The following FARP2 variants were observed in gnomAD, a reference collection of about 807,000 sequenced individuals.
The protein encoded by FARP2 is FERM, ARHGEF and pleckstrin domain-containing protein 2.
Under a neutral mutation model 130.5 loss-of-function variants are expected in FARP2, and 111 were observed. The ratio of observed to expected loss-of-function variants is 0.85; its 90% CI spans 0.73 to 1.00. The LOEUF (loss-of-function observed/expected upper bound fraction) is 1.00. Ranked by LOEUF, FARP2 falls within the 50% of genes least tolerant of loss-of-function variation. FARP2 has a pLI of 0.00. For missense variants in FARP2, 1,385 were observed against 1,346.3 expected, an observed-to-expected ratio of 1.03 and a Z score of -0.45; for synonymous variants, 504 against 516.9, an observed-to-expected ratio of 0.98 and a Z score of 0.34.
chr2:241,491,210 C>G, intron 23 of FARP2, 31 bp downstream of exon 23: 2 of 1,486,082 alleles, frequency 1.3e-6, no homozygotes, highest in Non-Finnish European at 1.9e-6. Flanking sequence ...CCCAGGAGAC[C>G]TCCACTACAC....
At chr2:241,453,436 C>A (rs1303105800) in intron 13 of FARP2, among the ~76,000 whole-genome samples, 1 of 151,820 alleles carries the variant, frequency 6.6e-6, no homozygotes, top group Non-Finnish European at 1.5e-5. Flanking sequence ...TCCTGGCTAA[C>A]ATGGTGAAAC....
intron 5 of FARP2, among the ~76,000 whole-genome samples, 170 bp downstream of exon 5, chr2:241,407,785 A>G (rs1318056199): frequency 6.6e-6 from 1 of 152,232 alleles, no homozygotes; most frequent in African/African-American, 2.4e-5. Context: ...CCCTTGCACA[A>G]ACACATGTGA....
At chr2:241,412,644 T>C (rs2062550491) in intron 6 of FARP2, among the ~76,000 whole-genome samples, 1 of 152,134 alleles carries the variant, frequency 6.6e-6, no homozygotes, top group African/African-American at 2.4e-5. Flanking sequence ...AGGAAAAAAA[T>C]CATTTAAAAT....
chr2:241,413,241 G>T, intron 6 of FARP2, 66 bp from the exon 7 acceptor site: 1 of 934,364 alleles, frequency 1.1e-6, no homozygotes, highest in Non-Finnish European at 1.7e-6. Flanking sequence ...TTTAATGTAT[G>T]CAATGACACA....
At chr2:241,366,140 C>CGTATATATATATATAG (rs1559702356) in intron 1 of FARP2, among the ~76,000 whole-genome samples, 1 of 17,996 alleles carries the variant, frequency 5.6e-5, no homozygotes, top group Non-Finnish European at 1.2e-4. Context: ...TATATATATA[C>CGTATATATATATATAG]ACACACACAT....
rs183350909 is a variant in FARP2 at position 241,368,889 on chromosome 2, A to C, written c.-24-4195A>C. Among the ~76,000 whole-genome samples, 797 of 152,248 alleles carry C rather than the reference A, an allele frequency of 5.2e-3. 4 individuals carry two copies. The highest frequency in any genetic ancestry group is 0.014 in the Middle Eastern group (4 of 294). On this transcript the variant is annotated intron_variant, in intron 1 of 26. Coordinates refer to ENST00000264042, the MANE Select transcript of FARP2 (RefSeq NM_014808.4). Reference sequence around the variant, plus strand: ...AATATAAGTCTTAGTCTTAATCTTAAAGCTGAGTAATTATTAAACGGATAG... The same window carrying C: ...AATATAAGTCTTAGTCTTAATCTTACAGCTGAGTAATTATTAAACGGATAG...
intron 1 of FARP2, among the ~76,000 whole-genome samples, chr2:241,372,104 A>G (rs1001070608): frequency 2.6e-5 from 4 of 152,064 alleles, no homozygotes; most frequent in Non-Finnish European, 4.4e-5. Context: ...GCACTGTTAG[A>G]CTTAACAGCT....
Position 241,475,971 on chromosome 2 carries a change from T to A in FARP2, c.2246T>A (p.Leu749His), listed in dbSNP as rs1324821836. 6.2e-7 allele frequency: 1 copy of A among 1,613,248 alleles called. No individual in the cohort carries two copies. Among genetic ancestry groups the A allele is most frequent in the Non-Finnish European group, 8.5e-7 (1 of 1,179,680 alleles). ...CGGGACCTGGTGGGCATAGAGAACC[T>A]CATTGCTCCTGGCAGGGTGAGTGAC... Reference protein sequence around the residue: ...LQRDLVGIENLIAPGREFIRE... With the variant: ...LQRDLVGIENHIAPGREFIRE... Residue 749 changes from leucine (L) to histidine (H), a missense_variant, in exon 19 of 27, where the codon CTC (leucine) becomes CAC (histidine). Leu to His is a moderately conservative substitution (Grantham distance 99). Coordinates refer to ENST00000264042, the MANE Select transcript of FARP2 (RefSeq NM_014808.4). The surrounding 1 kb of genome is among the most constrained non-coding windows in gnomAD (Gnocchi z 4.4).
chr2:241,439,169 C>G (rs543349813), intron 12 of FARP2, among the ~76,000 whole-genome samples: 18 of 152,046 alleles, frequency 1.2e-4, no homozygotes, highest in African/African-American at 3.6e-4. Flanking sequence ...GTGCATGCCA[C>G]CGCACCCAGC....
At chr2:241,431,612 C>A in intron 8 of FARP2, 67 bp from the exon 9 acceptor site, 1 of 786,710 alleles carries the variant, frequency 1.3e-6, no homozygotes, top group South Asian at 1.5e-5. Context: ...TTTAAGCATT[C>A]CCTATTTCAT....
intron 18 of FARP2, chr2:241,471,194 A>G (rs1187118830): frequency 1.4e-5 from 2 of 143,940 alleles, no homozygotes; most frequent in Admixed American, 6.9e-5. Context: ...TTCTGAGGGG[A>G]CCCTGTTATA....
At chr2:241,483,353 G>C in intron 19 of FARP2, 112 bp from the exon 20 acceptor site, 1 of 864,966 alleles carries the variant, frequency 1.2e-6, no homozygotes, top group South Asian at 1.4e-5. Context: ...CTCATTGGGA[G>C]GAGCCAGAGG....
chr2:241,441,273 C>G, intron 12 of FARP2, 31 bp from the exon 13 acceptor site: 3 of 1,537,516 alleles, frequency 2.0e-6, no homozygotes, highest in Non-Finnish European at 2.6e-6. Flanking sequence ...ATTTTATATC[C>G]TTTTTTTCTT....
At chr2:241,440,336 G>A (rs17386695) in intron 12 of FARP2, among the ~76,000 whole-genome samples, 16,847 of 152,262 alleles carry the variant, frequency 0.11, 1,188 homozygotes, top group Non-Finnish European at 0.15. Context: ...GATAGCGCGC[G>A]AGGAGTGACG....
chr2:241,463,279 G>A (rs2064074242), intron 15 of FARP2, 56 bp from the exon 16 acceptor site: 10 of 1,586,560 alleles, frequency 6.3e-6, no homozygotes, highest in South Asian at 3.5e-5. Context: ...CAGGGGCACA[G>A]TTTCTCAGTC....
chr2:241,386,904 T>A (rs1211970625), intron 2 of FARP2: 1 of 152,284 alleles, frequency 6.6e-6, no homozygotes, highest in African/African-American at 2.4e-5. Flanking sequence ...ATTGTCTCAC[T>A]TGTACCTTTT....
Position 241,456,756 on chromosome 2 carries a change from C to T in FARP2, c.1421C>T (p.Thr474Met), listed in dbSNP as rs373412999. 293 of 1,614,074 alleles carry T rather than the reference C, an allele frequency of 1.8e-4. 3 individuals carry two copies. The South Asian group carries it at 2.6e-3, about 14-fold the overall frequency. The change falls in exon 14 of 27, where the codon ACG becomes ATG. Residue 474 changes from threonine (T) to methionine (M), a missense_variant. Coordinates refer to ENST00000264042, the MANE Select transcript of FARP2 (RefSeq NM_014808.4). ...PALQPGPGLS[T>M]KSPQPSPSSR... ...CCCCGTTCATTTCCAGGCCTTTCCA[C>T]GAAGAGTCCTCAGCCTTCTCCCTCC...
At chr2:241,420,891 G>A (rs1163922786) in intron 8 of FARP2, among the ~76,000 whole-genome samples, 1 of 152,204 alleles carries the variant, frequency 6.6e-6, no homozygotes, top group Non-Finnish European at 1.5e-5. Flanking sequence ...GATCCAAGAT[G>A]GCTGATTAGA....
chr2:241,472,221 G>A (rs2064339928), intron 18 of FARP2, among the ~76,000 whole-genome samples: 1 of 150,966 alleles, frequency 6.6e-6, no homozygotes, highest in Admixed American at 6.6e-5. Context: ...GTTCTGAGGG[G>A]ACCATGTTCT....
Sources: allele counts gnomAD v4.1 joint callset (sites outside exome capture counted in the v4.1 genomes callset), GRCh38; gene constraint gnomAD v4.1.1; non-coding constraint Gnocchi (gnomAD v3.1); transcripts MANE v1.5; gene names NCBI Gene and HGNC (gene_info 2026-07-23, HGNC 2026-07-21).